The following CEP112 variants were observed in gnomAD, a reference collection of about 807,000 sequenced individuals.
CEP112 encodes centrosomal protein 112.
A neutral mutation model predicts 153.0 loss-of-function variants in CEP112; 127 were observed. The ratio of observed to expected loss-of-function variants is 0.83; its 90% CI spans 0.72 to 0.96. CEP112 has a LOEUF of 0.96. CEP112 is among the 40% of genes least tolerant of loss of function. The pLI is 0.00. For missense variants in CEP112, 1,089 were observed against 1,101.2 expected, an observed-to-expected ratio of 0.99 and a Z score of 0.16; for synonymous variants, 358 against 374.4, an observed-to-expected ratio of 0.96 and a Z score of 0.51.
chr17:65,682,304 T>C (rs1163221913), intron 24 of CEP112, among the ~76,000 whole-genome samples: 1 of 152,200 alleles, frequency 6.6e-6, no homozygotes, highest in East Asian at 1.9e-4. Context: ...AATTTTTGCT[T>C]TTAAATGCAT....
intron 6 of CEP112, among the ~76,000 whole-genome samples, chr17:66,100,858 C>A (rs1218806143): frequency 6.6e-6 from 1 of 152,004 alleles, no homozygotes; most frequent in African/African-American, 2.4e-5. Context: ...ATTTCCATAT[C>A]ATTTATATTG....
chr17:66,176,302 G>A (rs2072470181), intron 3 of CEP112, among the ~76,000 whole-genome samples: 1 of 152,186 alleles, frequency 6.6e-6, no homozygotes. Flanking sequence ...GACCAGGGCA[G>A]TGACAATTTA....
intron 21 of CEP112, among the ~76,000 whole-genome samples, chr17:65,769,428 C>G (rs1037861293): frequency 6.6e-6 from 1 of 151,730 alleles, no homozygotes; most frequent in Admixed American, 6.6e-5. Flanking sequence ...ACCTAAAATT[C>G]ATAAGGACCC....
chr17:65,937,579 C>T (rs1328894445), intron 18 of CEP112, among the ~76,000 whole-genome samples: 5 of 84,516 alleles, frequency 5.9e-5, no homozygotes, highest in African/African-American at 7.9e-5. Context: ...GGGGGGTCAG[C>T]CCCCCACCCG....
At chr17:65,939,039 T>C (rs2061433916) in intron 18 of CEP112, among the ~76,000 whole-genome samples, 1 of 152,152 alleles carries the variant, frequency 6.6e-6, no homozygotes, top group Non-Finnish European at 1.5e-5. Flanking sequence ...CTGGAACTCC[T>C]GACCTCAGAT....
At chr17:65,888,754 A>C (rs1206522602) in intron 20 of CEP112, among the ~76,000 whole-genome samples, 1 of 152,156 alleles carries the variant, frequency 6.6e-6, no homozygotes, top group Admixed American at 6.5e-5. Flanking sequence ...GGGCACAGTA[A>C]AGTATGTGGG....
rs139507524 is a variant in CEP112 at position 65,713,891 on chromosome 17, G to A, written c.2608-24673C>T. On this transcript the variant is annotated intron_variant, in intron 23 of 26. Transcript: ENST00000535342. ...GAGTGAGTCACCACGCCCAGCCGTCGATTGACTTTCCTTCTTCCATAAATT... is the reference window on the plus strand; with the variant it reads ...GAGTGAGTCACCACGCCCAGCCGTCAATTGACTTTCCTTCTTCCATAAATT... Among the ~76,000 whole-genome samples, 10 of 152,032 alleles carry A rather than the reference G, an allele frequency of 6.6e-5. No homozygotes were observed. The East Asian group carries it at 1.7e-3, about 26-fold the overall frequency.
chr17:65,635,708 T>A lies in CEP112; in HGVS notation c.*263A>T. 2.0e-6 allele frequency: 1 copy of A among 492,078 alleles called. No individual in the cohort carries two copies. The highest frequency in any genetic ancestry group is 3.5e-6 in the Non-Finnish European group (1 of 281,848). The allele number at this position is 492,078 out of a possible 1,614,324, so 30.5% of individuals were successfully genotyped here. On this transcript the variant is annotated 3_prime_UTR_variant, in exon 27 of 27. Transcript: ENST00000535342. ...TATCATAGGAAATCACTTTGCCCAATATAAGCAGTTCTCAGCACATACTCA... is the reference window on the plus strand; with the variant it reads ...TATCATAGGAAATCACTTTGCCCAAAATAAGCAGTTCTCAGCACATACTCA...
intron 1 of CEP112, among the ~76,000 whole-genome samples, chr17:66,185,834 C>T (rs2072909834): frequency 6.6e-6 from 1 of 152,186 alleles, no homozygotes; most frequent in African/African-American, 2.4e-5. Context: ...CCACAAACTG[C>T]CCTCTATCTG....
chr17:65,654,056 CAAAAAAAA>C (rs773433478), intron 24 of CEP112, among the ~76,000 whole-genome samples: 6 of 26,872 alleles, frequency 2.2e-4, no homozygotes, highest in Non-Finnish European at 3.7e-4. Context: ...AAGACTCCAT[CAAAAAAAA>C]AAAAAAAAAA....
At chr17:65,725,342 G>A (rs950475811) in intron 23 of CEP112, among the ~76,000 whole-genome samples, 31 of 152,138 alleles carry the variant, frequency 2.0e-4, no homozygotes, top group Non-Finnish European at 4.0e-4. Flanking sequence ...TTTTGAGACA[G>A]AGTCTCACTC....
chr17:66,168,854 A>G (rs2072113914), intron 4 of CEP112, among the ~76,000 whole-genome samples: 1 of 152,026 alleles, frequency 6.6e-6, no homozygotes, highest in Admixed American at 6.5e-5. Flanking sequence ...ACATCCCACC[A>G]CTATATAAAA....
chr17:65,766,217 A>G (rs1273315954), intron 21 of CEP112, among the ~76,000 whole-genome samples: 2 of 137,034 alleles, frequency 1.5e-5, no homozygotes, highest in South Asian at 2.5e-4. Flanking sequence ...TAAAAATGCA[A>G]TAGAGAGCTT....
intron 19 of CEP112, among the ~76,000 whole-genome samples, chr17:65,913,011 T>C (rs2060344830): frequency 6.6e-6 from 1 of 152,238 alleles, no homozygotes; most frequent in Admixed American, 6.5e-5. Flanking sequence ...ACCTAATATA[T>C]AGGTCATTAG....
chr17:65,925,223 T>C (rs543216577), intron 19 of CEP112, among the ~76,000 whole-genome samples: 8 of 152,222 alleles, frequency 5.3e-5, no homozygotes, highest in Non-Finnish European at 8.8e-5. Context: ...ACAAGCTCTC[T>C]TGCCTGCCAC....
At chr17:65,878,588 C>T (rs1478161764) in intron 20 of CEP112, among the ~76,000 whole-genome samples, 1 of 152,030 alleles carries the variant, frequency 6.6e-6, no homozygotes, top group Non-Finnish European at 1.5e-5. Context: ...AGGACAATAT[C>T]GAGGTGTTGA....
intron 4 of CEP112, among the ~76,000 whole-genome samples, chr17:66,133,095 AAAAAG>A (rs1056264026): frequency 6.9e-4 from 105 of 152,260 alleles, no homozygotes; most frequent in African/African-American, 2.4e-3. Flanking sequence ...ATCAAAAAAA[AAAAAG>A]AAAAGAAATA....
At chr17:65,753,608 T>G (rs2052027219) in intron 21 of CEP112, among the ~76,000 whole-genome samples, 1 of 152,172 alleles carries the variant, frequency 6.6e-6, no homozygotes, top group South Asian at 2.1e-4. Context: ...TCCACCAGAA[T>G]TAGGGCTACT....
chr17:66,094,261 T>C (rs564249784), intron 8 of CEP112, among the ~76,000 whole-genome samples: 2 of 152,182 alleles, frequency 1.3e-5, no homozygotes, highest in East Asian at 1.9e-4. Flanking sequence ...GGTTTCACCA[T>C]GTTGGCCAGG....
Sources: gnomAD v4.1 joint callset for allele counts (sites outside exome capture counted in the v4.1 genomes callset) on GRCh38, gnomAD v4.1.1 for gene constraint, MANE v1.5 for transcripts, NCBI Gene and HGNC (gene_info 2026-07-23, HGNC 2026-07-21) for gene names.